Variants in NAALADL2 observed in about 807,000 individuals in gnomAD.
NAALADL2 encodes inactive N-acetylated-alpha-linked acidic dipeptidase-like protein 2.
NAALADL2 carries 76 observed loss-of-function variants against 87.2 expected under a neutral mutation model. The observed-to-expected ratio is 0.87, with a 90% CI of 0.72 to 1.05. The LOEUF (loss-of-function observed/expected upper bound fraction) is 1.05. Among genes scored for constraint, NAALADL2 ranks in the 50% least tolerant of loss-of-function variants. The pLI, the probability that NAALADL2 is intolerant of heterozygous loss-of-function variation, is 0.00. For synonymous variants in NAALADL2, 354 were observed against 331.0 expected (o/e 1.07, Z -0.75); for missense variants, 1,089 against 945.8 (o/e 1.15, Z -1.99).
chr3:175,314,696 A>ATTTCTAAC (rs1553857606), intron 4 of NAALADL2, among the ~76,000 whole-genome samples: 1 of 87,848 alleles, frequency 1.1e-5, no homozygotes, highest in African/African-American at 4.7e-5. Flanking sequence ...ATATATATAT[A>ATTTCTAAC]TATATATATA....
chr3:175,058,323 A>G (rs1712665629), intron 1 of NAALADL2, among the ~76,000 whole-genome samples: 1 of 152,210 alleles, frequency 6.6e-6, no homozygotes, highest in Non-Finnish European at 1.5e-5. Context: ...TCTACTGATT[A>G]AGTCATTTAA....
At chr3:175,529,108 C>G (rs1005495291) in intron 9 of NAALADL2, among the ~76,000 whole-genome samples, 6 of 152,170 alleles carry the variant, frequency 3.9e-5, no homozygotes, top group African/African-American at 1.2e-4. Flanking sequence ...AATCACAGGG[C>G]ATGGTAATAC....
intron 5 of NAALADL2, among the ~76,000 whole-genome samples, chr3:175,374,553 GAAAAAAAAAAAAAA>G (rs765485400): frequency 9.5e-4 from 43 of 45,404 alleles, no homozygotes; most frequent in African/African-American, 1.7e-3. Context: ...TGCATCTCCA[GAAAAAAAAAAAAAA>G]AAAAAAAAAA....
At chr3:174,693,394 T>C (rs1269884073) in intron 2 of NAALADL2, among the ~76,000 whole-genome samples, 1 of 152,182 alleles carries the variant, frequency 6.6e-6, no homozygotes, top group East Asian at 1.9e-4. Flanking sequence ...AGGAATGTTT[T>C]CTTAAATGCA....
At chr3:175,639,588 G>T (rs773392431) in intron 11 of NAALADL2, among the ~76,000 whole-genome samples, 98 of 151,996 alleles carry the variant, frequency 6.4e-4, no homozygotes, top group Non-Finnish European at 1.1e-3. Context: ...CCAAAGTGCT[G>T]GGATTACAGA....
chr3:175,127,198 A>G, intron 2 of NAALADL2, among the ~76,000 whole-genome samples: 1 of 152,106 alleles, frequency 6.6e-6, no homozygotes, highest in Non-Finnish European at 1.5e-5. Flanking sequence ...AAAGGTAAAT[A>G]CAATAAATAT....
intron 1 of NAALADL2, among the ~76,000 whole-genome samples, chr3:175,044,723 A>G (rs974862484): frequency 6.6e-6 from 1 of 152,132 alleles, no homozygotes; most frequent in African/African-American, 2.4e-5. Flanking sequence ...GTTTGGGTCC[A>G]TAGAAAATGT....
intron 1 of NAALADL2, among the ~76,000 whole-genome samples, chr3:174,891,817 G>A (rs780141147): frequency 6.6e-6 from 1 of 152,102 alleles, no homozygotes; most frequent in Non-Finnish European, 1.5e-5. Context: ...GAGACACCAA[G>A]TATGGCAGCC....
intron 5 of NAALADL2, among the ~76,000 whole-genome samples, chr3:175,353,874 C>G (rs1764054746): frequency 6.6e-6 from 1 of 152,152 alleles, no homozygotes. Context: ...AAAGGTGTGC[C>G]TTCATGATAA....
chr3:175,774,353 G>T (rs1749922692), intron 13 of NAALADL2, among the ~76,000 whole-genome samples: 1 of 151,904 alleles, frequency 6.6e-6, no homozygotes, highest in Non-Finnish European at 1.5e-5. Flanking sequence ...TTATATGAAT[G>T]TTAAGAAATA....
intron 2 of NAALADL2, among the ~76,000 whole-genome samples, chr3:174,611,557 C>T (rs558122017): frequency 6.6e-6 from 1 of 152,032 alleles, no homozygotes; most frequent in South Asian, 2.1e-4. Context: ...TTACTATTGC[C>T]CATGAGTTTT....
At chr3:175,002,357 T>C (rs977694534) in intron 1 of NAALADL2, among the ~76,000 whole-genome samples, 1 of 152,158 alleles carries the variant, frequency 6.6e-6, no homozygotes, top group Non-Finnish European at 1.5e-5. Flanking sequence ...GACCACTATA[T>C]ATGACCTAAA....
chr3:174,478,961 A>C (rs1245247922), intron 1 of NAALADL2, among the ~76,000 whole-genome samples: 1 of 152,162 alleles, frequency 6.6e-6, no homozygotes, highest in African/African-American at 2.4e-5. Context: ...CACCTGCCTC[A>C]ACCTCCCAAA....
intron 11 of NAALADL2, among the ~76,000 whole-genome samples, chr3:175,631,296 A>G (rs1303808580): frequency 6.6e-6 from 1 of 151,806 alleles, no homozygotes; most frequent in Non-Finnish European, 1.5e-5. Context: ...CAATTTTGTT[A>G]CATGAACAGA....
At chr3:175,469,320 A>G (rs1164760729) in intron 8 of NAALADL2, among the ~76,000 whole-genome samples, 2 of 151,564 alleles carry the variant, frequency 1.3e-5, no homozygotes, top group Admixed American at 1.3e-4. Flanking sequence ...ACTCATGTCA[A>G]ATGTAATCCT....
At chr3:175,509,229 T>C (rs372321355) in intron 9 of NAALADL2, among the ~76,000 whole-genome samples, 9 of 152,172 alleles carry the variant, frequency 5.9e-5, no homozygotes, top group Non-Finnish European at 1.3e-4. Context: ...GGCACTCATG[T>C]CCTAGTTGTT....
At position 175,758,436 on chromosome 3, in the gene NAALADL2, T is replaced by C. The variant is rs980798809; in HGVS notation, c.2189+3018T>C. Among the ~76,000 whole-genome samples, 18 of 151,936 alleles carry C rather than the reference T, an allele frequency of 1.2e-4. 1 individual carries two copies. Among genetic ancestry groups the C allele is most frequent in the African/African-American group, 3.6e-4 (15 of 41,538 alleles). On this transcript the variant is annotated intron_variant, in intron 13 of 13. Coordinates refer to ENST00000454872, the MANE Select transcript of NAALADL2 (RefSeq NM_207015.3). ...TATGTGTGTATACCTATATATACTA[T>C]AGCAGTGTAAATAGATTAGCTTCGT...
intron 10 of NAALADL2, among the ~76,000 whole-genome samples, chr3:175,583,432 A>C (rs1426214031): frequency 6.6e-6 from 1 of 151,958 alleles, no homozygotes; most frequent in East Asian, 1.9e-4. Flanking sequence ...TGAATCGTGA[A>C]TATGAAAGAA....
Position 175,698,425 on chromosome 3 carries a change from G to GTGTGTGTATTTATGTATGTATACATATA in NAALADL2, c.1897-38880_1897-38879insGTGTGTATTTATGTATGTATACATATAT, listed in dbSNP as rs1560995365. Among the ~76,000 whole-genome samples the GTGTGTGTATTTATGTATGTATACATATA allele has an allele frequency of 1.6e-4, 14 of 85,462 alleles. 1 individual carries two copies. Among genetic ancestry groups the GTGTGTGTATTTATGTATGTATACATATA allele is most frequent in the Admixed American group, 1.4e-3 (13 of 9,050 alleles). 56.1% of individuals were successfully genotyped at this position (85,462 alleles called of 152,430 possible). On this transcript the variant is annotated intron_variant, in intron 11 of 13. Transcript: ENST00000454872. ...TGTGTATTTATGTATGTATACATATGTATGTGTATATATTTATGTATGTAT... is the reference window on the plus strand; with the variant it reads ...TGTGTATTTATGTATGTATACATATGTGTGTGTATTTATGTATGTATACATATATATGTGTATATATTTATGTATGTAT...
Sources: allele counts gnomAD v4.1 joint callset (sites outside exome capture counted in the v4.1 genomes callset), GRCh38; gene constraint gnomAD v4.1.1; transcripts MANE v1.5; gene names NCBI Gene and HGNC (gene_info 2026-07-23, HGNC 2026-07-21).